Variants in GAB1 observed in about 807,000 individuals in gnomAD.
GAB1 encodes GRB2-associated-binding protein 1.
GAB1 carries 19 observed loss-of-function variants against 66.5 expected under a neutral mutation model. The ratio of observed to expected loss-of-function variants is 0.29; its 90% CI spans 0.20 to 0.42. The LOEUF (loss-of-function observed/expected upper bound fraction) is 0.42. GAB1 is among the 10% of genes least tolerant of loss of function. The pLI, the probability that GAB1 is intolerant of heterozygous loss-of-function variation, is 1.00. For missense variants in GAB1, 732 were observed against 858.5 expected, an observed-to-expected ratio of 0.85 and a Z score of 1.84; for synonymous variants, 294 against 301.4, an observed-to-expected ratio of 0.98 and a Z score of 0.25.
At chr4:143,458,251 G>C (rs1025991991) in intron 6 of GAB1, among the ~76,000 whole-genome samples, 2 of 152,068 alleles carry the variant, frequency 1.3e-5, no homozygotes, top group Non-Finnish European at 2.9e-5. Context: ...GGAATATTCT[G>C]TATGTTTCTA....
chr4:143,460,331 G>A, intron 7 of GAB1, 33 bp from the exon 8 acceptor site: 1 of 1,609,784 alleles, frequency 6.2e-7, no homozygotes, highest in East Asian at 2.2e-5. Flanking sequence ...TTTTGTCAAG[G>A]CTTATGTTTG....
intron 2 of GAB1, among the ~76,000 whole-genome samples, chr4:143,423,758 A>AAAGCGAG (rs1246725617): frequency 5.2e-4 from 73 of 140,038 alleles, no homozygotes; most frequent in Non-Finnish European, 6.2e-4. Context: ...CCTGGGCAAC[A>AAAGCGAG]AAGCGAGACT....
intron 6 of GAB1, among the ~76,000 whole-genome samples, chr4:143,451,543 G>A (rs1417820884): frequency 6.6e-6 from 1 of 152,114 alleles, no homozygotes; most frequent in African/African-American, 2.4e-5. Flanking sequence ...ACCATTTAAA[G>A]GAAATAAGTA....
intron 2 of GAB1, among the ~76,000 whole-genome samples, chr4:143,418,558 G>A (rs1014753615): frequency 1.3e-5 from 2 of 151,986 alleles, no homozygotes; most frequent in Non-Finnish European, 2.9e-5. Context: ...TTGTTCCTTT[G>A]CCTATTGCCT....
intron 6 of GAB1, among the ~76,000 whole-genome samples, chr4:143,456,490 TTTAGAAAAGGGTCCTGCGGG>T (rs1457269969): frequency 1.3e-5 from 2 of 151,906 alleles, no homozygotes; most frequent in African/African-American, 4.8e-5. Flanking sequence ...CTTCCTTTGC[TTTAGAAAAGGGTCCTGCGGG>T]TATGGGCCCT....
At chr4:143,415,877 T>C in intron 2 of GAB1, 106 bp downstream of exon 2, 2 of 885,438 alleles carry the variant, frequency 2.3e-6, no homozygotes, top group African/African-American at 1.7e-5. Context: ...TAATGTTTTA[T>C]TTTTATAATA....
At chr4:143,351,510 A>C (rs578145222) in intron 1 of GAB1, among the ~76,000 whole-genome samples, 1 of 151,986 alleles carries the variant, frequency 6.6e-6, no homozygotes, top group African/African-American at 2.4e-5. Context: ...GGGTTTTTAT[A>C]GGCACAGGAT....
intron 2 of GAB1, among the ~76,000 whole-genome samples, chr4:143,422,683 A>G (rs1180119980): frequency 6.6e-6 from 1 of 152,174 alleles, no homozygotes; most frequent in Non-Finnish European, 1.5e-5. Context: ...GCATTAGGCT[A>G]GGGGTCATGT....
chr4:143,464,461 C>T (rs1381090996), intron 8 of GAB1, among the ~76,000 whole-genome samples: 1 of 152,006 alleles, frequency 6.6e-6, no homozygotes, highest in East Asian at 1.9e-4. Context: ...AACTCCTGAC[C>T]TCAGGTGGTC....
At chr4:143,356,942 T>G (rs1301776437) in intron 1 of GAB1, among the ~76,000 whole-genome samples, 1 of 152,198 alleles carries the variant, frequency 6.6e-6, no homozygotes, top group Non-Finnish European at 1.5e-5. Flanking sequence ...TGTGTTTTAA[T>G]TCTGCAGAAA....
chr4:143,377,269 A>G (rs369006056), intron 1 of GAB1, among the ~76,000 whole-genome samples: 2 of 152,304 alleles, frequency 1.3e-5, no homozygotes, highest in East Asian at 1.9e-4. Context: ...TAATGTTCTG[A>G]TCACCTGTTT....
chr4:143,356,238 G>A (rs1029574599), intron 1 of GAB1, among the ~76,000 whole-genome samples: 4 of 152,126 alleles, frequency 2.6e-5, no homozygotes, highest in Admixed American at 1.3e-4. Context: ...ATATTGTGCT[G>A]AAGATGTTGT....
chr4:143,378,909 A>T (rs527432853), intron 1 of GAB1, among the ~76,000 whole-genome samples: 31 of 152,232 alleles, frequency 2.0e-4, no homozygotes, highest in African/African-American at 5.5e-4. Context: ...GAGACCAAAC[A>T]GGGGCAGCCT....
At chr4:143,452,395 G>A (rs146624974) in intron 6 of GAB1, among the ~76,000 whole-genome samples, 5 of 152,184 alleles carry the variant, frequency 3.3e-5, no homozygotes, top group African/African-American at 4.8e-5. Context: ...TATGCTGCAC[G>A]CTCTTCTAGA....
At chr4:143,455,700 G>A (rs1468001249) in intron 6 of GAB1, among the ~76,000 whole-genome samples, 1 of 152,192 alleles carries the variant, frequency 6.6e-6, no homozygotes, top group Non-Finnish European at 1.5e-5. Context: ...ATTCAGAGTA[G>A]TATCAACTAT....
chr4:143,373,857 G>GTAAA (rs1231332592), intron 1 of GAB1, among the ~76,000 whole-genome samples: 1 of 53,834 alleles, frequency 1.9e-5, no homozygotes, highest in African/African-American at 1.1e-4. Context: ...CTCTCTCTCT[G>GTAAA]TAAATAAATA....
chr4:143,404,152 G>A (rs1731921091), intron 1 of GAB1, among the ~76,000 whole-genome samples: 1 of 152,202 alleles, frequency 6.6e-6, no homozygotes, highest in Non-Finnish European at 1.5e-5. Flanking sequence ...ATTCAAAACA[G>A]TAGTTCTAAC....
intron 1 of GAB1, chr4:143,350,006 G>T: frequency 6.4e-7 from 1 of 1,572,490 alleles, no homozygotes. Context: ...TTGCCTCCGC[G>T]ACCCCGGCCC....
intron 2 of GAB1, among the ~76,000 whole-genome samples, chr4:143,428,018 T>TG (rs1733455899): frequency 6.6e-6 from 1 of 152,212 alleles, no homozygotes; most frequent in African/African-American, 2.4e-5. Flanking sequence ...GGGGGGCCTA[T>TG]GGGGGTGGGA....
Sources: gnomAD v4.1 joint callset for allele counts (sites outside exome capture counted in the v4.1 genomes callset) on GRCh38, gnomAD v4.1.1 for gene constraint, MANE v1.5 for transcripts, NCBI Gene and HGNC (gene_info 2026-07-23, HGNC 2026-07-21) for gene names.